CCDC178: variants seen among roughly 807,000 people sequenced by gnomAD.
CCDC178 encodes coiled-coil domain containing 178.
CCDC178 carries 126 observed loss-of-function variants against 117.4 expected under a neutral mutation model. The observed-to-expected ratio is 1.07, with a 90% confidence interval of 0.93 to 1.24. The LOEUF (loss-of-function observed/expected upper bound fraction) is 1.24, where lower values mean the gene tolerates loss of function less well. Among genes scored for constraint, CCDC178 ranks in the 50% most tolerant of loss-of-function variants. The pLI is 0.00. For missense variants in CCDC178, 1,030 were observed against 986.9 expected (o/e 1.04, Z -0.59); for synonymous variants, 283 against 313.4 (o/e 0.90, Z 1.02).
intron 21 of CCDC178, among the ~76,000 whole-genome samples, chr18:33,023,299 T>C (rs1327845338): frequency 6.6e-6 from 1 of 152,110 alleles, no homozygotes; most frequent in Non-Finnish European, 1.5e-5. Flanking sequence ...TAAGTACCCA[T>C]GGAACATATA....
chr18:33,416,627 C>A (rs1470605283), intron 2 of CCDC178, among the ~76,000 whole-genome samples: 1 of 152,118 alleles, frequency 6.6e-6, no homozygotes, highest in Non-Finnish European at 1.5e-5. Flanking sequence ...ACTCTCCCAG[C>A]ACCTCATGAT....
At chr18:33,219,749 GGA>G (rs2059209064) in intron 18 of CCDC178, among the ~76,000 whole-genome samples, 1 of 151,966 alleles carries the variant, frequency 6.6e-6, no homozygotes, top group Non-Finnish European at 1.5e-5. Flanking sequence ...CACAGGGTAG[GGA>G]ACATCACACA....
At chr18:33,396,350 T>C (rs2063636744) in intron 4 of CCDC178, among the ~76,000 whole-genome samples, 1 of 152,142 alleles carries the variant, frequency 6.6e-6, no homozygotes, top group Non-Finnish European at 1.5e-5. Flanking sequence ...CACTGTTATG[T>C]CACTGTAAAT....
intron 20 of CCDC178, among the ~76,000 whole-genome samples, chr18:33,128,077 A>T (rs1246358524): frequency 6.6e-6 from 1 of 152,170 alleles, no homozygotes; most frequent in Non-Finnish European, 1.5e-5. Flanking sequence ...TTTCTAACTT[A>T]AGGCAGGAGA....
At chr18:33,057,530 C>T (rs906952676) in intron 21 of CCDC178, among the ~76,000 whole-genome samples, 1 of 152,044 alleles carries the variant, frequency 6.6e-6, no homozygotes, top group African/African-American at 2.4e-5. Flanking sequence ...TCGCTCTTGT[C>T]ACCCAGGCTG....
At chr18:33,189,265 G>A (rs2058830081) in intron 20 of CCDC178, among the ~76,000 whole-genome samples, 1 of 152,086 alleles carries the variant, frequency 6.6e-6, no homozygotes, top group East Asian at 1.9e-4. Context: ...AAGATGAGGG[G>A]TTTGCTAAGG....
chr18:33,339,644 C>T (rs1405829809), intron 9 of CCDC178, among the ~76,000 whole-genome samples: 1 of 151,730 alleles, frequency 6.6e-6, no homozygotes, highest in African/African-American at 2.4e-5. Flanking sequence ...TGGAAGGGAC[C>T]CAGGGGGAGG....
chr18:33,133,200 C>T (rs1218112772), intron 20 of CCDC178, among the ~76,000 whole-genome samples: 1 of 151,602 alleles, frequency 6.6e-6, no homozygotes, highest in Non-Finnish European at 1.5e-5. Flanking sequence ...TTATCGAAAA[C>T]GTCTGTGAGA....
At chr18:33,056,222 T>C (rs1459509931) in intron 21 of CCDC178, among the ~76,000 whole-genome samples, 2 of 152,236 alleles carry the variant, frequency 1.3e-5, no homozygotes, top group Admixed American at 6.5e-5. Flanking sequence ...TCTGCCTTCA[T>C]CTTAGTGGGG....
At chr18:33,169,229 T>C (rs2058568879) in intron 20 of CCDC178, among the ~76,000 whole-genome samples, 1 of 152,220 alleles carries the variant, frequency 6.6e-6, no homozygotes, top group South Asian at 2.1e-4. Flanking sequence ...ATCACACCTG[T>C]TTCAGTTTCT....
At chr18:33,233,623 A>G (rs1388679376) in intron 15 of CCDC178, among the ~76,000 whole-genome samples, 2 of 151,956 alleles carry the variant, frequency 1.3e-5, no homozygotes, top group Non-Finnish European at 1.5e-5. Flanking sequence ...GCCTCACGCT[A>G]TAGGAGTATT....
chr18:33,255,796 C>A (rs1201332624), intron 14 of CCDC178, among the ~76,000 whole-genome samples: 2 of 151,754 alleles, frequency 1.3e-5, no homozygotes, highest in African/African-American at 4.8e-5. Flanking sequence ...AGATTAGTAC[C>A]CTAAACTAAT....
At chr18:33,046,819 G>C (rs953096641) in intron 21 of CCDC178, among the ~76,000 whole-genome samples, 17 of 152,116 alleles carry the variant, frequency 1.1e-4, no homozygotes, top group African/African-American at 4.1e-4. Flanking sequence ...CCCTACAGAA[G>C]AGGGACCTGA....
intron 21 of CCDC178, among the ~76,000 whole-genome samples, chr18:33,074,307 C>T (rs560048895): frequency 3.9e-5 from 6 of 152,090 alleles, no homozygotes; most frequent in Non-Finnish European, 5.9e-5. Flanking sequence ...GAAAACATTA[C>T]GTCATTCTCA....
intron 5 of CCDC178, among the ~76,000 whole-genome samples, chr18:33,371,296 T>C (rs2063295614): frequency 6.6e-6 from 1 of 151,420 alleles, no homozygotes; most frequent in Non-Finnish European, 1.5e-5. Flanking sequence ...TATATATGTG[T>C]ATATATATAT....
At chr18:33,046,201 G>A (rs564733505) in intron 21 of CCDC178, among the ~76,000 whole-genome samples, 13 of 152,308 alleles carry the variant, frequency 8.5e-5, no homozygotes, top group African/African-American at 3.1e-4. Context: ...ATTGCCAAAA[G>A]AATGAGTGAC....
At chr18:33,313,402 CT>C (rs2062369298) in intron 11 of CCDC178, among the ~76,000 whole-genome samples, 1 of 152,176 alleles carries the variant, frequency 6.6e-6, no homozygotes. Context: ...CCACTTTTGC[CT>C]TCCTTCCAGG....
intron 21 of CCDC178, among the ~76,000 whole-genome samples, chr18:33,042,428 C>T (rs2056565873): frequency 6.6e-6 from 1 of 151,856 alleles, no homozygotes. Flanking sequence ...GGTGTATACT[C>T]TATAACTGGC....
intron 2 of CCDC178, 30 bp from the exon 3 acceptor site, chr18:33,412,140 A>C: frequency 6.0e-6 from 5 of 837,762 alleles, no homozygotes; most frequent in Non-Finnish European, 9.4e-6. Context: ...TTTAAATATC[A>C]TGAATCTAAA....
Sources: allele counts gnomAD v4.1 joint callset (sites outside exome capture counted in the v4.1 genomes callset), GRCh38; gene constraint gnomAD v4.1.1; transcripts MANE v1.5; gene names NCBI Gene and HGNC (gene_info 2026-07-23, HGNC 2026-07-21).